Variants in CISD1 observed in about 807,000 individuals in gnomAD.
CISD1 encodes CDGSH iron-sulfur domain-containing protein 1.
Under a neutral mutation model 12.0 loss-of-function variants are expected in CISD1, and 8 were observed. That is an observed-to-expected ratio of 0.67 (90% confidence interval 0.39 to 1.20). The LOEUF is 1.20. Among genes scored for constraint, CISD1 ranks in the 50% most tolerant of loss-of-function variants. The pLI is 0.01. For missense variants in CISD1, 107 were observed against 132.7 expected (o/e 0.81, Z 0.95); for synonymous variants, 38 against 42.2 (o/e 0.90, Z 0.39).
chr10:58,287,790 G>A lies in CISD1; in HGVS notation c.*140G>A. 1 of 458,844 alleles carries A rather than the reference G, an allele frequency of 2.2e-6. No homozygotes were observed. Among genetic ancestry groups the A allele is most frequent in the Non-Finnish European group, 3.8e-6 (1 of 263,362 alleles). The allele number at this position is 458,844 out of a possible 1,614,324, so 28.4% of individuals were successfully genotyped here. A position where few individuals can be genotyped will look rare whatever the true frequency, so the allele number is the denominator to read the frequency against. The stretch of plus-strand genomic sequence containing the variant: ...GCAAACTGCAGCTTTCACATTTATG[G>A]CATTTGTCTTGTTGAAACATCGTGG... On this transcript the variant is annotated 3_prime_UTR_variant, in exon 3 of 3. Coordinates refer to ENST00000333926, the MANE Select transcript of CISD1 (RefSeq NM_018464.5).
chr10:58,278,725 C>T (rs1288816080), intron 2 of CISD1, among the ~76,000 whole-genome samples: 1 of 152,106 alleles, frequency 6.6e-6, no homozygotes, highest in Non-Finnish European at 1.5e-5. Flanking sequence ...GGTTGAGCAT[C>T]TCTAATCCAA....
At chr10:58,269,360 C>G (rs1488392426) in intron 1 of CISD1, 56 bp downstream of exon 1, 20 of 1,524,112 alleles carry the variant, frequency 1.3e-5, no homozygotes, top group Non-Finnish European at 1.7e-5. Flanking sequence ...TTGCCGCGCC[C>G]GCAGTTCGAC....
chr10:58,272,959 TG>T (rs1252587144), intron 1 of CISD1, among the ~76,000 whole-genome samples: 44 of 152,072 alleles, frequency 2.9e-4, no homozygotes, highest in African/African-American at 1.1e-3. Context: ...AGCTATAGAC[TG>T]GCCAAATTGA....
chr10:58,276,255 C>T (rs1839313936), intron 1 of CISD1: 2 of 152,022 alleles, frequency 1.3e-5, no homozygotes, highest in African/African-American at 2.4e-5. Context: ...TGAAAAGCTG[C>T]TTGAAAAGAA....
chr10:58,284,138 T>C (rs1004679063), intron 2 of CISD1, among the ~76,000 whole-genome samples: 1 of 152,112 alleles, frequency 6.6e-6, no homozygotes, highest in East Asian at 1.9e-4. Context: ...ACTTTGAGAA[T>C]GTAACAGCCA....
Position 58,269,309 on chromosome 10 carries a change from A to T in CISD1, c.31+5A>T. On this transcript the variant is annotated splice_donor_5th_base_variant and intron_variant, in intron 1 of 2. Transcript: ENST00000333926. ...CTTCCAGTTCCAGCGTACGAGGTGA[A>T]GTGGGGCCTGGGAGCGGGTGAGGCT... The T allele has an allele frequency of 6.2e-7, 1 of 1,608,078 alleles. No individual in the cohort carries two copies. The highest frequency in any genetic ancestry group is 1.1e-5 in the South Asian group (1 of 91,010).
intron 1 of CISD1, 24 bp downstream of exon 1, chr10:58,269,328 T>A: frequency 6.3e-7 from 1 of 1,599,818 alleles, no homozygotes. Context: ...TGGGAGCGGG[T>A]GAGGCTGGTG....
intron 2 of CISD1, among the ~76,000 whole-genome samples, chr10:58,281,485 G>C (rs1297832613): frequency 6.6e-6 from 1 of 152,102 alleles, no homozygotes; most frequent in Non-Finnish European, 1.5e-5. Flanking sequence ...TCAATTAACA[G>C]TTTGCTTTGA....
intron 1 of CISD1, among the ~76,000 whole-genome samples, chr10:58,276,747 CT>C (rs72357438): frequency 0.15 from 19,963 of 130,600 alleles, 1,327 homozygotes; most frequent in Middle Eastern, 0.2. Flanking sequence ...TGTTTCGGGG[CT>C]TTTTTTTTTT....
chr10:58,284,534 A>G (rs1191017886), intron 2 of CISD1, among the ~76,000 whole-genome samples: 1 of 152,210 alleles, frequency 6.6e-6, no homozygotes, highest in Non-Finnish European at 1.5e-5. Flanking sequence ...AAGTTTATTA[A>G]CAAATAACCA....
intron 2 of CISD1, among the ~76,000 whole-genome samples, chr10:58,280,943 G>A (rs576149226): frequency 2.0e-5 from 3 of 152,286 alleles, no homozygotes; most frequent in African/African-American, 7.2e-5. Flanking sequence ...GTGAGTTAAA[G>A]TGCAAATTAA....
At chr10:58,280,175 C>T (rs780902778) in intron 2 of CISD1, among the ~76,000 whole-genome samples, 8 of 152,134 alleles carry the variant, frequency 5.3e-5, no homozygotes, top group Non-Finnish European at 1.0e-4. Context: ...CTTGTACTGC[C>T]CTTCCCCAAG....
At chr10:58,272,393 G>A (rs193279532) in intron 1 of CISD1, among the ~76,000 whole-genome samples, 2 of 151,598 alleles carry the variant, frequency 1.3e-5, no homozygotes, top group South Asian at 2.1e-4. Flanking sequence ...TCACTACAAC[G>A]CTTGTAACCA....
At chr10:58,271,329 C>T (rs544285106) in intron 1 of CISD1, among the ~76,000 whole-genome samples, 1 of 152,032 alleles carries the variant, frequency 6.6e-6, no homozygotes, top group Non-Finnish European at 1.5e-5. Flanking sequence ...CGTGAGCCAC[C>T]GCGCCCGGCC....
chr10:58,276,821 A>G (rs1011128865), intron 1 of CISD1, among the ~76,000 whole-genome samples: 2 of 151,768 alleles, frequency 1.3e-5, no homozygotes, highest in Non-Finnish European at 2.9e-5. Flanking sequence ...CACTTTTTAA[A>G]TGATTATTGA....
At chr10:58,282,163 T>C (rs1171890296) in intron 2 of CISD1, among the ~76,000 whole-genome samples, 1 of 152,132 alleles carries the variant, frequency 6.6e-6, no homozygotes, top group Non-Finnish European at 1.5e-5. Flanking sequence ...GGTTTCACCA[T>C]GTTGGCCAGG....
chr10:58,271,054 T>A (rs2132275604), intron 1 of CISD1, among the ~76,000 whole-genome samples: 1 of 149,688 alleles, frequency 6.7e-6, no homozygotes, highest in Admixed American at 6.6e-5. Flanking sequence ...TTTTTTTTTT[T>A]TTTGAGGCGG....
intron 1 of CISD1, among the ~76,000 whole-genome samples, chr10:58,271,029 A>G (rs2440856): frequency 0.33 from 47,133 of 144,656 alleles, 9,808 homozygotes; most frequent in African/African-American, 0.59. Flanking sequence ...GAGACACCAC[A>G]CGTTGCCATG....
At chr10:58,274,302 T>C (rs1301707646) in intron 1 of CISD1, among the ~76,000 whole-genome samples, 1 of 152,156 alleles carries the variant, frequency 6.6e-6, no homozygotes, top group Non-Finnish European at 1.5e-5. Flanking sequence ...ATCCTAATTG[T>C]TGATTTTTGG....
Sources: gnomAD v4.1 joint callset for allele counts (sites outside exome capture counted in the v4.1 genomes callset) on GRCh38, gnomAD v4.1.1 for gene constraint, MANE v1.5 for transcripts, NCBI Gene and HGNC (gene_info 2026-07-23, HGNC 2026-07-21) for gene names.